Variants in GOLGA1 observed in about 807,000 individuals in gnomAD.
The protein encoded by GOLGA1 is golgin A1, also known as golgin subfamily A member 1.
A neutral mutation model predicts 119.7 loss-of-function variants in GOLGA1; 63 were observed. The ratio of observed to expected loss-of-function variants is 0.53; its 90% CI spans 0.43 to 0.65. The LOEUF (loss-of-function observed/expected upper bound fraction) is 0.65, where lower values mean the gene tolerates loss of function less well. Ranked by LOEUF, GOLGA1 falls within the 30% of genes least tolerant of loss-of-function variation. The pLI is 0.00. For synonymous variants in GOLGA1, 318 were observed against 333.4 expected (o/e 0.95, Z 0.50); for missense variants, 798 against 912.8 (o/e 0.87, Z 1.62).
intron 20 of GOLGA1, 114 bp downstream of exon 20, chr9:124,882,396 A>G: frequency 1.3e-6 from 1 of 749,700 alleles, no homozygotes; most frequent in Non-Finnish European, 2.3e-6. Context: ...ATCCCTTGCA[A>G]TTAATTAGGG....
chr9:124,938,805 G>T lies in GOLGA1; in HGVS notation c.-94C>A. ...AGACAGAGGCGCCTACAAAGTTTCA[G>T]ACATCCAAGCTAGCTGCATTCCCAC... On this transcript the variant is annotated 5_prime_UTR_variant, in exon 3 of 23. The change creates a new upstream start codon in the 5' untranslated region. Transcript: ENST00000373555. 9.4e-7 allele frequency: 1 copy of T among 1,067,572 alleles called. No homozygotes were observed. Among genetic ancestry groups the T allele is most frequent in the Non-Finnish European group, 1.3e-6 (1 of 745,972 alleles). 66.1% of individuals were successfully genotyped at this position (1,067,572 alleles called of 1,614,324 possible).
chr9:124,895,150 TCTCCACAACAGAGACC>T (rs1416662337), intron 15 of GOLGA1, among the ~76,000 whole-genome samples: 17 of 92,802 alleles, frequency 1.8e-4, no homozygotes, highest in East Asian at 3.3e-4. Context: ...CACAACAGAC[TCTCCACAACAGAGACC>T]CTCCACAACA....
chr9:124,906,927 ATAT>A (rs1001535935), intron 12 of GOLGA1, among the ~76,000 whole-genome samples: 28 of 152,332 alleles, frequency 1.8e-4, no homozygotes, highest in Non-Finnish European at 2.6e-4. Context: ...GGAATAATTA[ATAT>A]TATAAAATGG....
chr9:124,944,030 A>G (rs1037396292), upstream of GOLGA1: 2 of 152,178 alleles, frequency 1.3e-5, no homozygotes, highest in East Asian at 1.9e-4. Context: ...TGCCTTTCCT[A>G]TTATCTAAGA....
rs758695812 is a variant in GOLGA1, at chr9:124,908,467, T to G, written c.975A>C (p.Thr325=). The G allele has an allele frequency of 6.3e-7, 1 of 1,577,772 alleles. No homozygotes were observed. The highest frequency in any genetic ancestry group is 2.2e-5 in the East Asian group (1 of 44,728). The part of the protein sequence containing the change: ...EHLQELLKEK[T]LAEQNLEDTR... ...TATCCTCCAAATTCTGCTCAGCAAG[T>G]GTTTTCTGTAAGTTGAAAGAAGAGT... Residue 325 remains threonine (T), a synonymous_variant, in exon 12 of 23, where the codon ACA becomes ACC. Coordinates refer to ENST00000373555, the MANE Select transcript of GOLGA1 (RefSeq NM_002077.4).
chr9:124,897,785 T>C (rs565506110), intron 15 of GOLGA1, among the ~76,000 whole-genome samples: 10 of 152,354 alleles, frequency 6.6e-5, no homozygotes, highest in African/African-American at 2.2e-4. Flanking sequence ...AGTACCTATG[T>C]CACTCATCAG....
chr9:124,905,173 AAAATAAAT>A (rs1473056711), intron 12 of GOLGA1, among the ~76,000 whole-genome samples: 1 of 150,472 alleles, frequency 6.6e-6, no homozygotes, highest in East Asian at 1.9e-4. Flanking sequence ...AAATAAAATA[AAAATAAAT>A]AAATAAATAA....
At position 124,889,541 on chromosome 9, in the gene GOLGA1, G is replaced by C; in HGVS notation, c.1498-5C>G. ...TATGGCTGTCAGGTTAGCTGCCTTGGAGAGAAAAATCAACAAGAGGGAAGG... is the reference window on the plus strand; with the variant it reads ...TATGGCTGTCAGGTTAGCTGCCTTGCAGAGAAAAATCAACAAGAGGGAAGG... On this transcript the variant is annotated splice_region_variant and splice_polypyrimidine_tract_variant and intron_variant, in intron 16 of 22. Transcript: ENST00000373555. 6.3e-7 allele frequency: 1 copy of C among 1,598,626 alleles called. No individual in the cohort carries two copies. The highest frequency in any genetic ancestry group is 8.6e-7 in the Non-Finnish European group (1 of 1,165,860).
rs141537474 is a variant in GOLGA1 at position 124,921,240 on chromosome 9, T to C, written c.732A>G (p.Arg244=). 705 of 1,577,778 alleles carry C rather than the reference T, an allele frequency of 4.5e-4. 8 individuals are homozygous for C. In the East Asian group the frequency reaches 0.013, roughly 28 times the overall value. ...QRHYSTLEEQ[R]DHVIASKTGA... is the part of the protein sequence containing the mutation. The stretch of plus-strand genomic sequence containing the variant: ...CTGTTTTTGAAGCTATCACATGATC[T>C]CTTCATCAAAAGAAAGCAGACAATG... The change falls in exon 10 of 23, where the codon AGA becomes AGG. Residue 244 remains arginine (R), a splice_region_variant and synonymous_variant. Coordinates refer to ENST00000373555, the MANE Select transcript of GOLGA1 (RefSeq NM_002077.4).
intron 11 of GOLGA1, among the ~76,000 whole-genome samples, chr9:124,909,159 A>T (rs1418908644): frequency 6.6e-6 from 1 of 152,064 alleles, no homozygotes; most frequent in Non-Finnish European, 1.5e-5. Flanking sequence ...AAAATATTTT[A>T]AAAATTAGCT....
At chr9:124,889,944 A>G (rs1654725381) in intron 16 of GOLGA1, among the ~76,000 whole-genome samples, 1 of 152,236 alleles carries the variant, frequency 6.6e-6, no homozygotes, top group Non-Finnish European at 1.5e-5. Flanking sequence ...GGAGACTCAG[A>G]TTTGTTAAGG....
At chr9:124,933,938 T>C (rs1212894351) in intron 3 of GOLGA1, among the ~76,000 whole-genome samples, 1 of 152,190 alleles carries the variant, frequency 6.6e-6, no homozygotes, top group Non-Finnish European at 1.5e-5. Context: ...CCATGCACCT[T>C]TTCCCTTTGC....
At chr9:124,905,851 G>A (rs746180427) in intron 12 of GOLGA1, among the ~76,000 whole-genome samples, 1 of 152,140 alleles carries the variant, frequency 6.6e-6, no homozygotes, top group Non-Finnish European at 1.5e-5. Flanking sequence ...AAGTTCGGGT[G>A]TGGTGGCTCG....
chr9:124,891,180 C>T (rs1412292796), intron 15 of GOLGA1, among the ~76,000 whole-genome samples: 1 of 152,162 alleles, frequency 6.6e-6, no homozygotes, highest in African/African-American at 2.4e-5. Flanking sequence ...CCAAAGTCTG[C>T]CCTAGCGCCT....
chr9:124,889,047 T>C, intron 18 of GOLGA1, 96 bp downstream of exon 18: 1 of 954,162 alleles, frequency 1.0e-6, no homozygotes, highest in Non-Finnish European at 1.6e-6. Flanking sequence ...GAGCGTCGTG[T>C]CCACCATGTG....
At chr9:124,931,148 A>G (rs1830763659) in intron 4 of GOLGA1, among the ~76,000 whole-genome samples, 168 bp downstream of exon 4, 1 of 152,208 alleles carries the variant, frequency 6.6e-6, no homozygotes, top group African/African-American at 2.4e-5. Context: ...TTGAATTTAT[A>G]CTATTTACTA....
chr9:124,939,829 T>A (rs1298648622), intron 2 of GOLGA1, among the ~76,000 whole-genome samples: 2 of 152,212 alleles, frequency 1.3e-5, no homozygotes, highest in African/African-American at 4.8e-5. Flanking sequence ...CCCAAAGTGC[T>A]GGGATTACAG....
Position 124,880,540 on chromosome 9 carries a change from G to A in GOLGA1, c.2294C>T (p.Pro765Leu). The change falls in exon 23 of 23, where the codon CCA (proline) becomes CTA (leucine). Residue 765 changes from proline to leucine, a missense_variant. Pro to Leu is a moderately conservative substitution (Grantham distance 98, BLOSUM62 -3). Coordinates refer to ENST00000373555, the MANE Select transcript of GOLGA1 (RefSeq NM_002077.4). ...IRPSISNPRIPWS is the reference protein window; with the variant it reads ...IRPSISNPRILWS The stretch of plus-strand genomic sequence containing the variant: ...CTTGGGTAGTCCCCTCTAGGACCAT[G>A]GTATCCGAGGGTTTGAGATAGACGG... The A allele has an allele frequency of 6.3e-7, 1 of 1,596,252 alleles. No individual in the cohort carries two copies. The highest frequency in any genetic ancestry group is 8.6e-7 in the Non-Finnish European group (1 of 1,163,832).
chr9:124,908,099 A>G (rs681169), intron 12 of GOLGA1, among the ~76,000 whole-genome samples: 146,567 of 152,202 alleles, frequency 0.96, 70,825 homozygotes, highest in East Asian at 1. Context: ...ATATTTTAAA[A>G]CAACCCAACA....
Sources: gnomAD v4.1 joint callset for allele counts (sites outside exome capture counted in the v4.1 genomes callset) on GRCh38, gnomAD v4.1.1 for gene constraint, MANE v1.5 for transcripts, NCBI Gene and HGNC (gene_info 2026-07-23, HGNC 2026-07-21) for gene names.